Variants in LOXHD1 observed in about 807,000 individuals in gnomAD.
The protein encoded by LOXHD1 is lipoxygenase homology domain-containing protein 1.
In LOXHD1, 205 loss-of-function variants were observed where a neutral mutation model predicts 248.2. The observed-to-expected ratio is 0.83, with a 90% CI of 0.74 to 0.93. The LOEUF (loss-of-function observed/expected upper bound fraction) is 0.93, where lower values mean the gene tolerates loss of function less well. Among genes scored for constraint, LOXHD1 ranks in the 40% least tolerant of loss-of-function variants. LOXHD1 has a pLI of 0.00. For synonymous variants in LOXHD1, 1,113 were observed against 1,162.8 expected (o/e 0.96, Z 0.87); for missense variants, 2,930 against 2,971.6 (o/e 0.99, Z 0.33).
chr18:46,485,138 G>T lies in LOXHD1; in HGVS notation c.6063C>A (p.Val2021=), dbSNP rs1235204294. 1.3e-6 allele frequency: 2 copies of T among 1,550,060 alleles called. No individual in the cohort carries two copies. Among genetic ancestry groups the T allele is most frequent in the Non-Finnish European group, 8.7e-7 (1 of 1,146,608 alleles). The change falls in exon 39 of 41, where the codon GTC becomes GTA. Residue 2021 remains valine (V), a synonymous_variant. Coordinates refer to ENST00000642948, the MANE Select transcript of LOXHD1 (RefSeq NM_001384474.1). ...TTTCGCCTCCGTTGCCCGTTTCTAT[G>T]ACGATCTCGTAGGCTGTAATGGAGG... is the stretch of plus-strand genomic sequence containing the variant. The part of the protein sequence containing the change: ...DELEETTYEI[V]IETGNGGETR...
At chr18:46,491,462 A>T (rs1026878846) in intron 37 of LOXHD1, among the ~76,000 whole-genome samples, 1 of 152,214 alleles carries the variant, frequency 6.6e-6, no homozygotes, top group Non-Finnish European at 1.5e-5. Context: ...CTGGTCCTAG[A>T]GCGACACCTT....
chr18:46,542,776 C>T lies in LOXHD1; in HGVS notation c.3699G>A (p.Thr1233=), dbSNP rs528349121. The change falls in exon 24 of 41, where the codon ACG becomes ACA. Residue 1233 remains threonine (T), a synonymous_variant. Coordinates refer to ENST00000642948, the MANE Select transcript of LOXHD1 (RefSeq NM_001384474.1). ...RDSIEIFTVE[T]LDLGDLWKVR... ...CTTTCCACAGGTCTCCCAGATCCAG[C>T]GTCTCCACCGTGAAGATTTCAATGC... The T allele has an allele frequency of 1.4e-5, 21 of 1,551,668 alleles. No individual in the cohort carries two copies. The highest frequency in any genetic ancestry group is 2.4e-5 in the East Asian group (1 of 40,914).
At chr18:46,616,050 A>G (rs1452035680) in intron 5 of LOXHD1, among the ~76,000 whole-genome samples, 1 of 152,140 alleles carries the variant, frequency 6.6e-6, no homozygotes. Flanking sequence ...ATTTTATTTC[A>G]TCCCATTTAT....
intron 12 of LOXHD1, among the ~76,000 whole-genome samples, chr18:46,586,402 C>G (rs1024592274): frequency 6.7e-6 from 1 of 149,940 alleles, no homozygotes; most frequent in East Asian, 2.0e-4. Context: ...AATTGTATGG[C>G]ACATGAATCA....
chr18:46,589,830 T>C (rs1383523515), intron 12 of LOXHD1, among the ~76,000 whole-genome samples: 10 of 152,102 alleles, frequency 6.6e-5, no homozygotes, highest in Admixed American at 5.2e-4. Context: ...GGTTGGGGCC[T>C]AATCCCTCCT....
intron 4 of LOXHD1, among the ~76,000 whole-genome samples, chr18:46,620,846 C>A (rs954271375): frequency 6.6e-6 from 1 of 152,156 alleles, no homozygotes; most frequent in Non-Finnish European, 1.5e-5. Context: ...AGGGGAAGCA[C>A]CCTGAATGAG....
chr18:46,594,419 A>G lies in LOXHD1; in HGVS notation c.1182T>C (p.Cys394=), dbSNP rs530662009. 1.2e-5 allele frequency: 18 copies of G among 1,551,618 alleles called. No homozygotes were observed. In the South Asian group the frequency reaches 1.9e-4, roughly 16 times the overall value. ...PFTGIQQTFP[C]SNWLDEKKAD... is the part of the protein sequence containing the mutation. ...CTTTCTTCTCATCCAGCCAGTTGCT[A>G]CAAGGGAAGGTCTGCTGGATACCAG... The change falls in exon 9 of 41, where the codon TGT becomes TGC. Residue 394 remains cysteine (C), a synonymous_variant. Coordinates refer to ENST00000642948, the MANE Select transcript of LOXHD1 (RefSeq NM_001384474.1).
rs567206538 is a variant in LOXHD1, at chr18:46,555,383, G to A, written c.3350+1973C>T. 1.5e-3 allele frequency: 493 copies of A among 338,942 alleles called. 2 individuals are homozygous for A. Among genetic ancestry groups the A allele is most frequent in the Non-Finnish European group, 2.4e-3 (413 of 170,712 alleles). 21.0% of individuals were successfully genotyped at this position (338,942 alleles called of 1,614,324 possible). A position where few individuals can be genotyped will look rare whatever the true frequency, so the allele number is the denominator to read the frequency against. Reference sequence around the variant, plus strand: ...CAGGACCCTGGTTCCCAGCCATGGGGCTGTCCTACGGTCTTTATGTGGTTT... The same window carrying A: ...CAGGACCCTGGTTCCCAGCCATGGGACTGTCCTACGGTCTTTATGTGGTTT... On this transcript the variant is annotated intron_variant, in intron 21 of 40. Coordinates refer to ENST00000642948, the MANE Select transcript of LOXHD1 (RefSeq NM_001384474.1).
At chr18:46,555,826 T>C (rs1485019891) in intron 21 of LOXHD1, among the ~76,000 whole-genome samples, 1 of 152,042 alleles carries the variant, frequency 6.6e-6, no homozygotes, top group Non-Finnish European at 1.5e-5. Flanking sequence ...TGACTGATTA[T>C]GGGGCTGTGG....
chr18:46,544,982 A>G, intron 23 of LOXHD1: 1 of 488,902 alleles, frequency 2.0e-6, no homozygotes, highest in South Asian at 1.6e-5. Flanking sequence ...GTACCTGAGC[A>G]AAGGCTCCTG....
In LOXHD1 at chr18:46,507,563, G is replaced by A. The variant is rs549738814; in HGVS notation, c.5667C>T (p.Val1889=). ...EEMMEWTSYT[V]AVKTSDILGA... ...CCAGGATGTCGCTGGTCTTAACTGC[G>A]ACGGTGTAGGAGGTCCACTCCATCA... The change falls in exon 36 of 41, where the codon GTC becomes GTT. Residue 1889 remains valine (V), a synonymous_variant. Coordinates refer to ENST00000642948, the MANE Select transcript of LOXHD1 (RefSeq NM_001384474.1). 33 of 1,551,604 alleles carry A rather than the reference G, an allele frequency of 2.1e-5. No individual in the cohort carries two copies. The highest frequency in any genetic ancestry group is 8.3e-5 in the South Asian group (7 of 84,050).
At chr18:46,558,353 A>G (rs2037423809) in intron 20 of LOXHD1, among the ~76,000 whole-genome samples, 1 of 152,212 alleles carries the variant, frequency 6.6e-6, no homozygotes, top group African/African-American at 2.4e-5. Flanking sequence ...TAATCACACT[A>G]GAATGATCCA....
chr18:46,522,221 A>C lies in LOXHD1; in HGVS notation c.4965T>G (p.Asp1655Glu), dbSNP rs1438663926. ...ACCAGATGCGCTTACTACGTTCATC[A>C]TCCTCCCCGATGAGAAAGATGAAGG... ...SRAFIFLIGEDDERSKRIWLD... is the reference protein window; with the variant it reads ...SRAFIFLIGEEDERSKRIWLD... Residue 1655 changes from aspartate to glutamate, a missense_variant, in exon 32 of 41, where the codon GAT becomes GAG. Asp to Glu is a conservative substitution (Grantham distance 45, BLOSUM62 2). Transcript: ENST00000642948. 6.4e-7 allele frequency: 1 copy of C among 1,551,722 alleles called. No individual in the cohort carries two copies. Among genetic ancestry groups the C allele is most frequent in the Non-Finnish European group, 8.7e-7 (1 of 1,147,040 alleles).
chr18:46,558,970 C>T (rs1599000566), intron 20 of LOXHD1: 1 of 439,058 alleles, frequency 2.3e-6, no homozygotes, highest in East Asian at 7.0e-5. Context: ...ACACACTGTC[C>T]TAAACTGGCC....
At chr18:46,478,981 A>G (rs1233395439) in intron 40 of LOXHD1, among the ~76,000 whole-genome samples, 4 of 152,134 alleles carry the variant, frequency 2.6e-5, no homozygotes, top group African/African-American at 4.8e-5. Flanking sequence ...TACAGGTGTG[A>G]GTCACTGCAC....
chr18:46,521,086 G>A lies in LOXHD1; in HGVS notation c.5271+11C>T, dbSNP rs2035553312. The stretch of plus-strand genomic sequence containing the variant: ...TGGCCATGCACTGCACACTCACAGT[G>A]CCCCCCCTACCTTCACCCCAATGTT... On this transcript the variant is annotated intron_variant, in intron 33 of 40. Transcript: ENST00000642948. 2 of 1,550,810 alleles carry A rather than the reference G, an allele frequency of 1.3e-6. No homozygotes were observed. Among genetic ancestry groups the A allele is most frequent in the Non-Finnish European group, 8.7e-7 (1 of 1,146,542 alleles).
chr18:46,497,510 T>A (rs932899237), intron 37 of LOXHD1, among the ~76,000 whole-genome samples: 1 of 152,124 alleles, frequency 6.6e-6, no homozygotes, highest in Non-Finnish European at 1.5e-5. Flanking sequence ...TAGTCATGAG[T>A]CTGAGTTTCA....
rs919131054 is a variant in LOXHD1, at chr18:46,529,248, C to T, written c.4459G>A (p.Asp1487Asn). ...DAKVYITIYG[D>N]LGDTGERYLG... ...TATCGCTCCCCAGTGTCCCCGAGGT[C>T]TCCATAGATGGTGATGTACACCTTG... Residue 1487 changes from aspartate (D) to asparagine (N), a missense_variant, in exon 29 of 41, where the codon GAC becomes AAC. Coordinates refer to ENST00000642948, the MANE Select transcript of LOXHD1 (RefSeq NM_001384474.1). 53 of 1,551,650 alleles carry T rather than the reference C, an allele frequency of 3.4e-5. No homozygotes were observed. In the East Asian group the frequency reaches 1.2e-3, roughly 36 times the overall value.
Position 46,507,544 on chromosome 18 carries a change from T to C in LOXHD1, c.5686A>G (p.Ile1896Val). 6.4e-7 allele frequency: 1 copy of C among 1,551,742 alleles called. No individual in the cohort carries two copies. ...SYTVAVKTSD[I>V]LGAGTDANVF... ...TGAGGGACCCCCGACCCACCCAGGATGTCGCTGGTCTTAACTGCGACGGTG... is the reference window on the plus strand; with the variant it reads ...TGAGGGACCCCCGACCCACCCAGGACGTCGCTGGTCTTAACTGCGACGGTG... The change falls in exon 36 of 41, where the codon ATC (isoleucine) becomes GTC (valine). Residue 1896 changes from isoleucine (I) to valine (V), a missense_variant. Transcript: ENST00000642948.
Sources: allele counts gnomAD v4.1 joint callset (sites outside exome capture counted in the v4.1 genomes callset), GRCh38; gene constraint gnomAD v4.1.1; transcripts MANE v1.5; gene names NCBI Gene and HGNC (gene_info 2026-07-23, HGNC 2026-07-21).